KDM2B: variants seen among roughly 807,000 people sequenced by gnomAD.
KDM2B encodes lysine demethylase 2B, also known as lysine-specific demethylase 2B.
A neutral mutation model predicts 150.0 loss-of-function variants in KDM2B; 26 were observed. The observed-to-expected ratio is 0.17, with a 90% CI of 0.13 to 0.24. KDM2B has a LOEUF of 0.24. Ranked by LOEUF, KDM2B falls within the 10% of genes least tolerant of loss-of-function variation. The pLI is 1.00. For synonymous variants in KDM2B, 734 were observed against 729.5 expected (o/e 1.01, Z -0.10); for missense variants, 1,265 against 1,816.9 (o/e 0.70, Z 5.52).
chr12:121,503,269 C>A (rs1313887569), intron 11 of KDM2B, among the ~76,000 whole-genome samples: 1 of 150,474 alleles, frequency 6.6e-6, no homozygotes, highest in East Asian at 1.9e-4. Context: ...TGAGTCACTG[C>A]GCCCGGGCTG....
At chr12:121,487,518 C>T (rs1404031935) in intron 12 of KDM2B, among the ~76,000 whole-genome samples, 2 of 152,342 alleles carry the variant, frequency 1.3e-5, no homozygotes, top group East Asian at 1.9e-4. Context: ...CGGCTTCCAT[C>T]GCAGCCTCCT....
At chr12:121,577,604 C>A (rs1338348914) in intron 2 of KDM2B, among the ~76,000 whole-genome samples, 10 of 152,280 alleles carry the variant, frequency 6.6e-5, no homozygotes, top group African/African-American at 2.2e-4. Flanking sequence ...AACCCCACAG[C>A]CACAGCCACT....
chr12:121,513,455 G>C lies in KDM2B; in HGVS notation c.1048-53C>G, dbSNP rs1885761172. The C allele has an allele frequency of 3.1e-6, 5 of 1,592,734 alleles. No homozygotes were observed. The Admixed American group carries it at 8.4e-5, about 27-fold the overall frequency. ...GGTCAGTTTCCAGAGGGCGAAGGGG[G>C]AAGGAGGGAGAGAAGTGCGGGGCAG... On this transcript the variant is annotated intron_variant, in intron 9 of 22. Transcript: ENST00000377071. This position sits in a 1 kb window ranked among gnomAD's most constrained non-coding sequence, Gnocchi z 5.0.
At chr12:121,439,571 G>A (rs1339097527) in intron 22 of KDM2B, among the ~76,000 whole-genome samples, 1 of 151,856 alleles carries the variant, frequency 6.6e-6, no homozygotes, top group Admixed American at 6.6e-5. Context: ...TTGTAGAGAC[G>A]GGGTTTCACC....
At chr12:121,444,406 GC>G in intron 15 of KDM2B, 43 bp downstream of exon 15, 3 of 1,609,632 alleles carry the variant, frequency 1.9e-6, no homozygotes, top group Non-Finnish European at 2.6e-6. Context: ...GCCCAGGCCC[GC>G]CCCTCTCCCG....
At chr12:121,478,218 G>A (rs1881606301) in intron 12 of KDM2B, among the ~76,000 whole-genome samples, 1 of 151,770 alleles carries the variant, frequency 6.6e-6, no homozygotes, top group African/African-American at 2.4e-5. Flanking sequence ...ACATGGGCGG[G>A]TTTGTTATAT....
chr12:121,494,570 G>C lies in KDM2B; in HGVS notation c.1734+9C>G. The C allele has an allele frequency of 6.2e-7, 1 of 1,610,232 alleles. No homozygotes were observed. Among genetic ancestry groups the C allele is most frequent in the Non-Finnish European group, 8.5e-7 (1 of 1,177,558 alleles). The stretch of plus-strand genomic sequence containing the variant: ...AGCGGCCGCCCGCTGCAGGCAGGCT[G>C]CGTCTTACCTTTGGAGTCTTCTTTG... On this transcript the variant is annotated intron_variant, in intron 12 of 22. Transcript: ENST00000377071.
At chr12:121,474,445 G>A (rs1308505201) in intron 12 of KDM2B, among the ~76,000 whole-genome samples, 2 of 151,754 alleles carry the variant, frequency 1.3e-5, no homozygotes, top group African/African-American at 4.9e-5. Flanking sequence ...GAACCCGGGG[G>A]GCAGAGCTTA....
At chr12:121,431,885 T>TTC in intron 22 of KDM2B, among the ~76,000 whole-genome samples, 1 of 148,424 alleles carries the variant, frequency 6.7e-6, no homozygotes, top group Non-Finnish European at 1.5e-5. Flanking sequence ...TTTTCTTTTT[T>TTC]TTTTTTTTTT....
In KDM2B at chr12:121,520,552, C is replaced by T; in HGVS notation, c.1047+433G>A. On this transcript the variant is annotated intron_variant, in intron 9 of 22. Coordinates refer to ENST00000377071, the MANE Select transcript of KDM2B (RefSeq NM_032590.5). This position sits in a 1 kb window ranked among gnomAD's most constrained non-coding sequence, Gnocchi z 4.5. ...CTTCCTCCCCAGTCAGATCTGGGGT[C>T]CCTGGGAGAACATATAGCCAAGACC... Among the ~76,000 whole-genome samples, 1 of 152,190 alleles carries T rather than the reference C, an allele frequency of 6.6e-6. No individual in the cohort carries two copies. The highest frequency in any genetic ancestry group is 1.9e-4 in the East Asian group (1 of 5,158).
intron 12 of KDM2B, among the ~76,000 whole-genome samples, chr12:121,488,741 C>T (rs1555299411): frequency 6.6e-6 from 1 of 151,664 alleles, no homozygotes; most frequent in Non-Finnish European, 1.5e-5. Flanking sequence ...CCTGCCTCAC[C>T]CTTCCGAGTA....
chr12:121,516,923 G>A (rs1270512885), intron 9 of KDM2B: 3 of 657,938 alleles, frequency 4.6e-6, no homozygotes, highest in African/African-American at 3.7e-5. Context: ...TAGGGGGAAG[G>A]GGAGAGGGAA....
rs1220177257 is a variant in KDM2B at position 121,467,385 on chromosome 12, G to A, written c.1735-14041C>T. The A allele has an allele frequency of 4.6e-5, 45 of 976,144 alleles. No homozygotes were observed. The highest frequency in any genetic ancestry group is 5.3e-5 in the Non-Finnish European group (44 of 823,778). The allele number at this position is 976,144 out of a possible 1,614,324, so 60.5% of individuals were successfully genotyped here. On this transcript the variant is annotated intron_variant, in intron 12 of 22. Coordinates refer to ENST00000377071, the MANE Select transcript of KDM2B (RefSeq NM_032590.5). This position sits in a 1 kb window ranked among gnomAD's most constrained non-coding sequence, Gnocchi z 5.1. ...CGCCTCGCACGCCCGCGCTGGAGGG[G>A]GCGGGGAGGGGCCGGCGGGGGAGGG...
At chr12:121,570,151 G>A (rs1890991496) in intron 4 of KDM2B, among the ~76,000 whole-genome samples, 2 of 152,082 alleles carry the variant, frequency 1.3e-5, no homozygotes, top group Admixed American at 6.6e-5. Context: ...CAGGGTTCAG[G>A]CAATTCTCCT....
At chr12:121,440,270 C>G in intron 21 of KDM2B, 195 bp from the exon 22 acceptor site, 1 of 597,978 alleles carries the variant, frequency 1.7e-6, no homozygotes, top group East Asian at 2.8e-5. Context: ...TTTTCAGATT[C>G]TCTTGAAAAA....
At chr12:121,440,622 G>A (rs1156822840) in intron 21 of KDM2B, 194 bp downstream of exon 21, 12 of 569,646 alleles carry the variant, frequency 2.1e-5, no homozygotes, top group Non-Finnish European at 3.1e-5. Flanking sequence ...AGCCCCAGGA[G>A]CGAGTCTCAC....
At chr12:121,417,653 G>C in the KDM2B span, 1 of 1,614,166 alleles carries the variant, frequency 6.2e-7, no homozygotes, top group Non-Finnish European at 8.5e-7. This position sits in a 1 kb window ranked among gnomAD's most constrained non-coding sequence, Gnocchi z 5.0. Flanking sequence ...ACCTGCGGCA[G>C]TATCTCATTC....
At chr12:121,544,717 G>A (rs192164039) in intron 6 of KDM2B, among the ~76,000 whole-genome samples, 42 of 148,676 alleles carry the variant, frequency 2.8e-4, no homozygotes, top group East Asian at 4.0e-4. Context: ...GTTCGAGACC[G>A]GCCTGGCCAA....
intron 11 of KDM2B, among the ~76,000 whole-genome samples, chr12:121,500,130 C>T (rs916223395): frequency 4.6e-5 from 7 of 151,896 alleles, no homozygotes; most frequent in African/African-American, 1.5e-4. Context: ...TGACAGGCTC[C>T]GGGAAAAGAA....
Sources: gnomAD v4.1 joint callset for allele counts (sites outside exome capture counted in the v4.1 genomes callset) on GRCh38, gnomAD v4.1.1 for gene constraint, Gnocchi (gnomAD v3.1) non-coding constraint, MANE v1.5 for transcripts, NCBI Gene and HGNC (gene_info 2026-07-23, HGNC 2026-07-21) for gene names.